The following DIP2A variants were observed in gnomAD, a reference collection of about 807,000 sequenced individuals.
The protein encoded by DIP2A is DIP2 acetate--CoA ligase A.
In DIP2A, 85 loss-of-function variants were observed where a neutral mutation model predicts 177.4. The observed-to-expected ratio is 0.48, with a 90% CI of 0.40 to 0.57. The LOEUF (loss-of-function observed/expected upper bound fraction) is 0.57. DIP2A is among the 20% of genes least tolerant of loss of function. The pLI is 0.00. For missense variants in DIP2A, 1,791 were observed against 2,100.2 expected, an observed-to-expected ratio of 0.85 and a Z score of 2.88; for synonymous variants, 886 against 881.8, an observed-to-expected ratio of 1.00 and a Z score of -0.08.
At chr21:46,477,543 T>TTGTGTGTGTGTGTGTGTG (rs1555874551) in intron 1 of DIP2A, among the ~76,000 whole-genome samples, 31 of 87,124 alleles carry the variant, frequency 3.6e-4, no homozygotes, top group African/African-American at 1.1e-3. Flanking sequence ...AAAAAAAGAT[T>TTGTGTGTGTGTGTGTGTG]TGTGTGTGTG....
chr21:46,516,568 C>T (rs796594500), intron 8 of DIP2A, among the ~76,000 whole-genome samples: 14 of 139,582 alleles, frequency 1.0e-4, no homozygotes, highest in African/African-American at 3.4e-4. Flanking sequence ...TGTCAGCTCA[C>T]TGCAAGCTCC....
chr21:46,464,718 C>T (rs149601142), intron 1 of DIP2A, among the ~76,000 whole-genome samples: 8 of 151,558 alleles, frequency 5.3e-5, no homozygotes, highest in Admixed American at 4.0e-4. Flanking sequence ...CCTGTCCCTG[C>T]GATAACAGCA....
intron 1 of DIP2A, among the ~76,000 whole-genome samples, chr21:46,471,416 C>T (rs1350632632): frequency 6.6e-6 from 1 of 152,204 alleles, no homozygotes; most frequent in East Asian, 1.9e-4. Context: ...TTCCCCCACC[C>T]TTATACGTGT....
chr21:46,527,368 C>G (rs2059145199), intron 8 of DIP2A, among the ~76,000 whole-genome samples: 1 of 144,080 alleles, frequency 6.9e-6, no homozygotes, highest in African/African-American at 2.6e-5. Flanking sequence ...CACTCTCGCC[C>G]AGGCTAGAGG....
intron 1 of DIP2A, among the ~76,000 whole-genome samples, chr21:46,479,793 A>G (rs1434151139): frequency 6.6e-6 from 1 of 152,124 alleles, no homozygotes; most frequent in Non-Finnish European, 1.5e-5. Context: ...TTGGCCTCCC[A>G]AAGTGCTGGG....
chr21:46,464,407 C>T (rs999219081), intron 1 of DIP2A, among the ~76,000 whole-genome samples: 3 of 152,058 alleles, frequency 2.0e-5, no homozygotes, highest in Non-Finnish European at 4.4e-5. Flanking sequence ...AAAAGAAAAA[C>T]GTTCTCATGT....
chr21:46,556,337 GGAAC>G lies in DIP2A; in HGVS notation c.3498+247_3498+250del. ...CTGATTTATGACTGTCTAGCTTACA[GGAAC>G]TGGTGGCTTTGAAGAATCTCTTACC... On this transcript the variant is annotated intron_variant, in intron 29 of 37. Transcript: ENST00000417564. This position sits in a 1 kb window ranked among gnomAD's most constrained non-coding sequence, Gnocchi z 4.5. The G allele has an allele frequency of 6.9e-7, 1 of 1,454,084 alleles. No individual in the cohort carries two copies. Among genetic ancestry groups the G allele is most frequent in the African/African-American group, 1.4e-5 (1 of 70,868 alleles). 90.1% of individuals were successfully genotyped at this position (1,454,084 alleles called of 1,614,324 possible).
intron 3 of DIP2A, among the ~76,000 whole-genome samples, chr21:46,491,886 A>C (rs939534082): frequency 6.6e-6 from 1 of 152,178 alleles, no homozygotes; most frequent in Non-Finnish European, 1.5e-5. Context: ...CAGGTCTTTT[A>C]TCATAAATAT....
At chr21:46,573,691 C>T (rs556605150), downstream of DIP2A, among the ~76,000 whole-genome samples, 37 of 97,226 alleles carry the variant, frequency 3.8e-4, no homozygotes, top group Non-Finnish European at 7.3e-4. Flanking sequence ...AAAGATATTC[C>T]ATGCAAATAG....
At chr21:46,462,176 A>G (rs2054377936) in intron 1 of DIP2A, among the ~76,000 whole-genome samples, 1 of 152,192 alleles carries the variant, frequency 6.6e-6, no homozygotes, top group African/African-American at 2.4e-5. Context: ...TTTTGGCCAA[A>G]ATAGGTCAGT....
intron 7 of DIP2A, 93 bp from the exon 8 acceptor site, chr21:46,511,324 A>T: frequency 7.7e-7 from 1 of 1,304,914 alleles, no homozygotes; most frequent in Non-Finnish European, 1.0e-6. Context: ...AGTTGGGATT[A>T]AAAAACAATA....
At chr21:46,530,956 A>G (rs2059330957) in intron 9 of DIP2A, among the ~76,000 whole-genome samples, 1 of 152,176 alleles carries the variant, frequency 6.6e-6, no homozygotes, top group Admixed American at 6.5e-5. Context: ...GTTCCCAGAG[A>G]TTCAACAGAT....
At chr21:46,483,942 A>G (rs1347673330) in intron 1 of DIP2A, among the ~76,000 whole-genome samples, 1 of 152,206 alleles carries the variant, frequency 6.6e-6, no homozygotes, top group African/African-American at 2.4e-5. Flanking sequence ...AGGAAACCAA[A>G]TAGTGTGCTT....
intron 1 of DIP2A, among the ~76,000 whole-genome samples, chr21:46,480,939 T>A (rs998529709): frequency 1.1e-4 from 16 of 152,188 alleles, no homozygotes; most frequent in Non-Finnish European, 7.3e-5. Context: ...CTGAAGTACT[T>A]CTTTGTCAGA....
intron 5 of DIP2A, among the ~76,000 whole-genome samples, chr21:46,501,651 G>C (rs2057658684): frequency 6.6e-6 from 1 of 152,078 alleles, no homozygotes; most frequent in African/African-American, 2.4e-5. Context: ...TTGAACTCCT[G>C]GGCTCAAGTG....
At chr21:46,547,650 G>T (rs111661507) in intron 21 of DIP2A, among the ~76,000 whole-genome samples, 2 of 145,532 alleles carry the variant, frequency 1.4e-5, no homozygotes, top group Non-Finnish European at 1.5e-5. Flanking sequence ...TTTCTCAAGG[G>T]GGTGCCTTTT....
At position 46,458,967 on chromosome 21, in the gene DIP2A, C is replaced by T. The variant is rs965403952; in HGVS notation, c.-165C>T. ...GGAGCCATCCGCGCTCGTGCCCGCG[C>T]GGGTGCGTTGCTGTCCTGGCCGCGC... On this transcript the variant is annotated 5_prime_UTR_variant, in exon 1 of 38. Coordinates refer to ENST00000417564, the MANE Select transcript of DIP2A (RefSeq NM_015151.4). 7.3e-5 allele frequency: 32 copies of T among 439,158 alleles called. No homozygotes were observed. Among genetic ancestry groups the T allele is most frequent in the Non-Finnish European group, 1.2e-4 (32 of 268,580 alleles). The allele number at this position is 439,158 out of a possible 1,614,324, so 27.2% of individuals were successfully genotyped here. A position where few individuals can be genotyped will look rare whatever the true frequency, so the allele number is the denominator to read the frequency against.
At position 46,556,210 on chromosome 21, in the gene DIP2A, A is replaced by G; in HGVS notation, c.3498+119A>G. 2.0e-5 allele frequency: 28 copies of G among 1,400,414 alleles called. No individual in the cohort carries two copies. In the Middle Eastern group the frequency reaches 5.4e-4, roughly 27 times the overall value. The allele number at this position is 1,400,414 out of a possible 1,614,324, so 86.7% of individuals were successfully genotyped here. On this transcript the variant is annotated intron_variant, in intron 29 of 37. Coordinates refer to ENST00000417564, the MANE Select transcript of DIP2A (RefSeq NM_015151.4). The surrounding 1 kb of genome is among the most constrained non-coding windows in gnomAD (Gnocchi z 4.5). ...TTCTTATGCAAAGCACAAAGCAACA[A>G]TTTTGCTTCTTAAGATTTGTGTTAA... is the stretch of plus-strand genomic sequence containing the variant.
chr21:46,559,650 G>A (rs1417704377), intron 32 of DIP2A, among the ~76,000 whole-genome samples: 2 of 152,238 alleles, frequency 1.3e-5, no homozygotes, highest in African/African-American at 2.4e-5. Flanking sequence ...CGTCGGAAGG[G>A]TATGGATGCC....
Sources: gnomAD v4.1 joint callset for allele counts (sites outside exome capture counted in the v4.1 genomes callset) on GRCh38, gnomAD v4.1.1 for gene constraint, Gnocchi (gnomAD v3.1) non-coding constraint, MANE v1.5 for transcripts, NCBI Gene and HGNC (gene_info 2026-07-23, HGNC 2026-07-21) for gene names.